The following NAV3 variants were observed in gnomAD, a reference collection of about 807,000 sequenced individuals.
The protein encoded by NAV3 is pore membrane and/or filament interacting like protein 1.
In NAV3, 87 loss-of-function variants were observed where a neutral mutation model predicts 244.7. That is an observed-to-expected ratio of 0.36 (90% CI 0.30 to 0.42). The LOEUF is 0.42. NAV3 is among the 20% of genes least tolerant of loss of function. The probability of loss-of-function intolerance (pLI) is 1.00; values close to 1 mark genes in which losing one functional copy is unlikely to be tolerated. For synonymous variants in NAV3, 1,126 were observed against 1,042.2 expected (o/e 1.08, Z -1.55); for missense variants, 2,663 against 2,893.3 (o/e 0.92, Z 1.83).
At chr12:77,759,452 C>A (rs1260360312) in intron 2 of NAV3, among the ~76,000 whole-genome samples, 3 of 152,054 alleles carry the variant, frequency 2.0e-5, no homozygotes, top group Non-Finnish European at 4.4e-5. Flanking sequence ...GGCTAGTAGG[C>A]CTGAGATTCC....
intron 1 of NAV3, among the ~76,000 whole-genome samples, chr12:77,915,198 G>A (rs1887003537): frequency 6.6e-6 from 1 of 151,846 alleles, no homozygotes; most frequent in African/African-American, 2.4e-5. Context: ...GATTCAAATG[G>A]CTTAATTTTA....
At chr12:77,866,783 C>T (rs1447074233) in intron 1 of NAV3, among the ~76,000 whole-genome samples, 1 of 152,128 alleles carries the variant, frequency 6.6e-6, no homozygotes, top group Non-Finnish European at 1.5e-5. Context: ...TCTTATCATC[C>T]AATCAAAGCT....
At chr12:77,649,679 A>G (rs1872742504) in intron 2 of NAV3, among the ~76,000 whole-genome samples, 1 of 152,208 alleles carries the variant, frequency 6.6e-6, no homozygotes. Context: ...TGATTTTGTA[A>G]TAATAGACTA....
At chr12:77,713,906 T>C (rs1876238810) in intron 2 of NAV3, among the ~76,000 whole-genome samples, 1 of 152,168 alleles carries the variant, frequency 6.6e-6, no homozygotes, top group Admixed American at 6.6e-5. Context: ...AGGAAGATAT[T>C]ATTTCCTGGC....
intron 2 of NAV3, among the ~76,000 whole-genome samples, chr12:77,787,980 G>A (rs1307687462): frequency 2.0e-5 from 3 of 152,136 alleles, no homozygotes; most frequent in Non-Finnish European, 4.4e-5. Context: ...AAACAAAAAA[G>A]GTGATTAAGA....
At chr12:77,906,876 AAAAT>A (rs1257881933) in intron 1 of NAV3, among the ~76,000 whole-genome samples, 1 of 152,156 alleles carries the variant, frequency 6.6e-6, no homozygotes, top group East Asian at 1.9e-4. Context: ...AATTTTGAAG[AAAAT>A]AAATATTTTA....
chr12:78,088,215 T>G (rs115757853), intron 12 of NAV3, among the ~76,000 whole-genome samples: 95 of 152,052 alleles, frequency 6.2e-4, no homozygotes, highest in African/African-American at 2.1e-3. Flanking sequence ...ATAAAATACA[T>G]TAAAATCAAT....
chr12:77,977,312 A>T (rs1868625166), intron 5 of NAV3, among the ~76,000 whole-genome samples: 1 of 152,136 alleles, frequency 6.6e-6, no homozygotes, highest in South Asian at 2.1e-4. Flanking sequence ...TGTGTCAATT[A>T]AAAAAAGAGA....
At chr12:78,191,080 G>T (rs989486175) in intron 34 of NAV3, among the ~76,000 whole-genome samples, 16 of 152,198 alleles carry the variant, frequency 1.1e-4, no homozygotes, top group Middle Eastern at 3.4e-3. Context: ...CTGGTTCAAT[G>T]ATCTAAACTG....
chr12:77,641,771 T>C (rs1336764188), intron 2 of NAV3, among the ~76,000 whole-genome samples: 2 of 152,118 alleles, frequency 1.3e-5, no homozygotes, highest in African/African-American at 4.8e-5. Flanking sequence ...CTGTACAACC[T>C]TAACCAGGGA....
At chr12:78,036,700 G>T in intron 9 of NAV3, 1 of 532,714 alleles carries the variant, frequency 1.9e-6, no homozygotes, top group South Asian at 3.0e-5. Context: ...TAAATTGGGG[G>T]CAAATAATTA....
chr12:77,836,493 T>C (rs1287218914), intron 1 of NAV3, among the ~76,000 whole-genome samples: 1 of 152,154 alleles, frequency 6.6e-6, no homozygotes. Flanking sequence ...TTATAGAAAA[T>C]TTTTTACTTT....
chr12:77,682,846 T>C (rs2137121308), intron 2 of NAV3, among the ~76,000 whole-genome samples: 1 of 152,252 alleles, frequency 6.6e-6, no homozygotes, highest in East Asian at 1.9e-4. Flanking sequence ...ATTTTTTTAA[T>C]TGTATTATTT....
At chr12:78,160,374 A>G (rs1001306510) in intron 23 of NAV3, among the ~76,000 whole-genome samples, 1 of 62,906 alleles carries the variant, frequency 1.6e-5, no homozygotes, top group East Asian at 1.4e-3. Flanking sequence ...ATAGAATTCT[A>G]TGGAGTGTGT....
intron 2 of NAV3, among the ~76,000 whole-genome samples, chr12:77,645,261 A>G (rs963220358): frequency 7.1e-6 from 1 of 140,054 alleles, no homozygotes; most frequent in Non-Finnish European, 1.5e-5. Context: ...AATAATTTAA[A>G]TCTTATGATT....
intron 23 of NAV3, among the ~76,000 whole-genome samples, chr12:78,164,049 A>T (rs1257268334): frequency 1.3e-5 from 2 of 152,128 alleles, no homozygotes; most frequent in African/African-American, 2.4e-5. Context: ...GAAAGGCTCA[A>T]CTTCTAGGAA....
chr12:77,664,768 C>T (rs891398847), intron 2 of NAV3, among the ~76,000 whole-genome samples: 1 of 152,118 alleles, frequency 6.6e-6, no homozygotes, highest in East Asian at 1.9e-4. Context: ...CCAAGAAAAC[C>T]TGACCTTCAA....
At chr12:78,138,008 T>A (rs547408633) in intron 19 of NAV3, among the ~76,000 whole-genome samples, 1 of 152,254 alleles carries the variant, frequency 6.6e-6, no homozygotes, top group East Asian at 1.9e-4. Context: ...GAAGCTCAAA[T>A]GTCAAATTTA....
intron 2 of NAV3, among the ~76,000 whole-genome samples, chr12:77,718,674 C>T (rs755247849): frequency 4.8e-5 from 7 of 147,222 alleles, no homozygotes; most frequent in Admixed American, 1.3e-4. Context: ...TCTTTTTTTT[C>T]GAGACAGAGT....
Sources: allele counts gnomAD v4.1 joint callset (sites outside exome capture counted in the v4.1 genomes callset), GRCh38; gene constraint gnomAD v4.1.1; transcripts MANE v1.5; gene names NCBI Gene and HGNC (gene_info 2026-07-23, HGNC 2026-07-21).